Variants in CEP85L observed in about 807,000 individuals in gnomAD.
CEP85L encodes centrosomal protein 85L, also known as centrosomal protein of 85 kDa-like.
In CEP85L, 60 loss-of-function variants were observed where a neutral mutation model predicts 100.3. The ratio of observed to expected loss-of-function variants is 0.60; its 90% CI spans 0.49 to 0.74. The LOEUF is 0.74. Ranked by LOEUF, CEP85L falls within the 30% of genes least tolerant of loss-of-function variation. CEP85L has a pLI of 0.00. For synonymous variants in CEP85L, 319 were observed against 322.7 expected (o/e 0.99, Z 0.12); for missense variants, 973 against 936.2 (o/e 1.04, Z -0.51).
At chr6:118,615,001 T>C (rs1449578803) in intron 2 of CEP85L, among the ~76,000 whole-genome samples, 2 of 152,194 alleles carry the variant, frequency 1.3e-5, no homozygotes, top group African/African-American at 4.8e-5. Flanking sequence ...TACAATATAA[T>C]TTACAATCAC....
intron 3 of CEP85L, among the ~76,000 whole-genome samples, chr6:118,528,052 C>G (rs1300853120): frequency 6.6e-6 from 1 of 152,050 alleles, no homozygotes; most frequent in African/African-American, 2.4e-5. Flanking sequence ...TATATTTCAC[C>G]TTATACATCT....
At chr6:118,519,462 G>A (rs1209170395) in intron 4 of CEP85L, among the ~76,000 whole-genome samples, 1 of 65,690 alleles carries the variant, frequency 1.5e-5, no homozygotes, top group African/African-American at 6.4e-5. Context: ...GTGTGTGTGT[G>A]TGTGTGTGTG....
intron 1 of CEP85L, among the ~76,000 whole-genome samples, chr6:118,703,184 GTTCT>G (rs1245897260): frequency 3.3e-5 from 5 of 151,822 alleles, no homozygotes; most frequent in East Asian, 1.9e-4. Context: ...TATTTCTGTA[GTTCT>G]TTCTTTATTT....
intron 4 of CEP85L, among the ~76,000 whole-genome samples, chr6:118,517,757 G>T (rs1156526423): frequency 6.6e-6 from 1 of 152,194 alleles, no homozygotes; most frequent in Non-Finnish European, 1.5e-5. Context: ...GCCCTGGCCA[G>T]AACTTCCAAT....
chr6:118,642,182 G>A (rs1313986202), intron 1 of CEP85L, among the ~76,000 whole-genome samples: 1 of 152,114 alleles, frequency 6.6e-6, no homozygotes, highest in Non-Finnish European at 1.5e-5. Flanking sequence ...AGGAGCATTT[G>A]GGTGAAATTT....
At chr6:118,475,569 T>C (rs929682578) in intron 10 of CEP85L, among the ~76,000 whole-genome samples, 6 of 152,060 alleles carry the variant, frequency 3.9e-5, no homozygotes, top group African/African-American at 1.2e-4. Context: ...TTAGCCAGGA[T>C]GGTCTCGATC....
chr6:118,646,624 G>A (rs771950372), intron 1 of CEP85L, among the ~76,000 whole-genome samples: 1 of 151,962 alleles, frequency 6.6e-6, no homozygotes, highest in African/African-American at 2.4e-5. Context: ...AGCCGAGATC[G>A]CACTCCAGCC....
At chr6:118,614,699 C>T (rs775167990) in intron 2 of CEP85L, among the ~76,000 whole-genome samples, 4 of 152,066 alleles carry the variant, frequency 2.6e-5, no homozygotes, top group Non-Finnish European at 4.4e-5. Flanking sequence ...AAAAAATTAG[C>T]TGGTGGTGGC....
intron 1 of CEP85L, among the ~76,000 whole-genome samples, chr6:118,663,357 C>T (rs762470462): frequency 3.7e-4 from 57 of 152,042 alleles, no homozygotes; most frequent in East Asian, 1.2e-3. Context: ...TTGTTTATAA[C>T]GATGGAATAT....
chr6:118,527,343 C>T (rs1777036836), intron 3 of CEP85L, among the ~76,000 whole-genome samples: 1 of 152,066 alleles, frequency 6.6e-6, no homozygotes, highest in African/African-American at 2.4e-5. Context: ...GTACTGTCGG[C>T]TCGCTGTTTT....
chr6:118,678,619 C>T (rs1776552415), intron 1 of CEP85L, among the ~76,000 whole-genome samples: 1 of 152,212 alleles, frequency 6.6e-6, no homozygotes, highest in Non-Finnish European at 1.5e-5. Context: ...AATGCTGCTA[C>T]TATATAAATC....
At chr6:118,508,523 T>A (rs1404920153) in intron 5 of CEP85L, among the ~76,000 whole-genome samples, 1 of 152,066 alleles carries the variant, frequency 6.6e-6, no homozygotes, top group African/African-American at 2.4e-5. Flanking sequence ...ATTAGAACTA[T>A]CCAGAAAGTT....
chr6:118,502,908 C>A, intron 5 of CEP85L: 1 of 497,818 alleles, frequency 2.0e-6, no homozygotes. Flanking sequence ...CCTAAAAAGA[C>A]ACGGAGTGGA....
chr6:118,547,193 T>A (rs1321009908), intron 3 of CEP85L, among the ~76,000 whole-genome samples: 1 of 152,110 alleles, frequency 6.6e-6, no homozygotes. Flanking sequence ...GTGACTTAAG[T>A]AAATCTAACA....
At chr6:118,638,163 C>G (rs1481252232) in intron 1 of CEP85L, among the ~76,000 whole-genome samples, 1 of 151,498 alleles carries the variant, frequency 6.6e-6, no homozygotes. Context: ...ATTGCTTAAG[C>G]CCAGGAGTTC....
At chr6:118,525,154 G>A (rs1776893409) in intron 3 of CEP85L, among the ~76,000 whole-genome samples, 1 of 152,038 alleles carries the variant, frequency 6.6e-6, no homozygotes, top group Non-Finnish European at 1.5e-5. Context: ...CATAGAAAAT[G>A]GAAAATATAT....
At chr6:118,559,930 G>C (rs1779124600) in intron 3 of CEP85L, 1 of 167,038 alleles carries the variant, frequency 6.0e-6, no homozygotes, top group African/African-American at 2.4e-5. Flanking sequence ...CTGAGCTAGA[G>C]TTACCTAGCT....
chr6:118,479,939 C>A lies in CEP85L; in HGVS notation c.1864-18G>T. The A allele has an allele frequency of 7.9e-7, 1 of 1,272,608 alleles. No individual in the cohort carries two copies. Among genetic ancestry groups the A allele is most frequent in the South Asian group, 1.4e-5 (1 of 73,310 alleles). 78.8% of individuals were successfully genotyped at this position (1,272,608 alleles called of 1,614,324 possible). On this transcript the variant is annotated intron_variant, in intron 9 of 12. Coordinates refer to ENST00000368491, the MANE Select transcript of CEP85L (RefSeq NM_001042475.3). ...TCTATTATCTAAAACAAAATAAATACATCTGATTCAAATAATTTTTACATC... is the reference window on the plus strand; with the variant it reads ...TCTATTATCTAAAACAAAATAAATAAATCTGATTCAAATAATTTTTACATC...
chr6:118,579,496 G>C (rs922915804), intron 2 of CEP85L, among the ~76,000 whole-genome samples: 1 of 152,124 alleles, frequency 6.6e-6, no homozygotes, highest in African/African-American at 2.4e-5. Flanking sequence ...TTAAGATTAA[G>C]TCTCATCAGG....
Sources: allele counts gnomAD v4.1 joint callset (sites outside exome capture counted in the v4.1 genomes callset), GRCh38; gene constraint gnomAD v4.1.1; transcripts MANE v1.5; gene names NCBI Gene and HGNC (gene_info 2026-07-23, HGNC 2026-07-21).